Variants in SNCB observed in about 807,000 individuals in gnomAD.
SNCB encodes synuclein beta.
A neutral mutation model predicts 20.0 loss-of-function variants in SNCB; 8 were observed. The observed-to-expected ratio is 0.40, with a 90% CI of 0.24 to 0.72. The LOEUF (loss-of-function observed/expected upper bound fraction) is 0.72. Among genes scored for constraint, SNCB ranks in the 30% least tolerant of loss-of-function variants. The probability of loss-of-function intolerance (pLI) is 0.37; values close to 1 mark genes in which losing one functional copy is unlikely to be tolerated. For missense variants in SNCB, 125 were observed against 168.0 expected, an observed-to-expected ratio of 0.74 and a Z score of 1.41; for synonymous variants, 56 against 65.4, an observed-to-expected ratio of 0.86 and a Z score of 0.69.
At chr5:176,622,423 GA>G (rs1759658554) in intron 4 of SNCB, among the ~76,000 whole-genome samples, 1 of 152,072 alleles carries the variant, frequency 6.6e-6, no homozygotes, top group African/African-American at 2.4e-5. Flanking sequence ...CCGGGAGGCG[GA>G]GTTTGCAGTG....
In SNCB at chr5:176,626,833, A is replaced by G. The variant is rs1362799438; in HGVS notation, c.122-72T>C. The G allele has an allele frequency of 4.5e-5, 70 of 1,541,620 alleles. No individual in the cohort carries two copies. The highest frequency in any genetic ancestry group is 3.8e-4 in the South Asian group (34 of 89,592). On this transcript the variant is annotated intron_variant, in intron 2 of 5. Transcript: ENST00000393693. The surrounding 1 kb of genome is among the most constrained non-coding windows in gnomAD (Gnocchi z 4.2). Reference sequence around the variant, plus strand: ...ACAGAAACTCCAGCACAGCATGGTGATTACAGAGTGGGCATCCTGGCCCCG... The same window carrying G: ...ACAGAAACTCCAGCACAGCATGGTGGTTACAGAGTGGGCATCCTGGCCCCG...
intron 4 of SNCB, among the ~76,000 whole-genome samples, chr5:176,625,093 C>A (rs549918838): frequency 6.6e-6 from 1 of 152,240 alleles, no homozygotes; most frequent in African/African-American, 2.4e-5. Context: ...GCATTCACAG[C>A]GAATGCCTGC....
At position 176,626,273 on chromosome 5, in the gene SNCB, G is replaced by T. The variant is rs1050381990; in HGVS notation, c.282+125C>A. ...TGCAGGATGGGAGGCAAAGTGGCTT[G>T]TGTTCCAAGCTGGTGGCAGGATTAG... On this transcript the variant is annotated intron_variant, in intron 4 of 5. Coordinates refer to ENST00000393693, the MANE Select transcript of SNCB (RefSeq NM_003085.5). The surrounding 1 kb of genome is among the most constrained non-coding windows in gnomAD (Gnocchi z 4.2). The T allele has an allele frequency of 5.9e-5, 47 of 790,526 alleles. No individual in the cohort carries two copies. The highest frequency in any genetic ancestry group is 2.9e-4 in the Admixed American group (16 of 55,120). The allele number at this position is 790,526 out of a possible 1,614,324, so 49.0% of individuals were successfully genotyped here. A position where few individuals can be genotyped will look rare whatever the true frequency, so the allele number is the denominator to read the frequency against.
At chr5:176,623,979 G>A (rs1234027532) in intron 4 of SNCB, among the ~76,000 whole-genome samples, 2 of 152,210 alleles carry the variant, frequency 1.3e-5, no homozygotes, top group African/African-American at 4.8e-5. Flanking sequence ...AAGCATGCTC[G>A]AAGCAGAGAG....
At chr5:176,622,118 C>A (rs1375058719) in intron 4 of SNCB, among the ~76,000 whole-genome samples, 1 of 152,260 alleles carries the variant, frequency 6.6e-6, no homozygotes, top group Non-Finnish European at 1.5e-5. Context: ...CGTCTGCACC[C>A]TGGGTGTCCC....
At chr5:176,627,667 G>A (rs1048878164) in intron 2 of SNCB, among the ~76,000 whole-genome samples, 12 of 150,336 alleles carry the variant, frequency 8.0e-5, no homozygotes, top group Admixed American at 6.0e-4. Flanking sequence ...GCGGGGGGGT[G>A]GGGGAAGAGG....
chr5:176,627,317 C>T (rs2113406809), intron 2 of SNCB, among the ~76,000 whole-genome samples: 1 of 152,316 alleles, frequency 6.6e-6, no homozygotes, highest in African/African-American at 2.4e-5. Context: ...GCACCACTGC[C>T]CATAGCCCAC....
At chr5:176,627,565 G>A (rs143172589) in intron 2 of SNCB, among the ~76,000 whole-genome samples, 31 of 152,332 alleles carry the variant, frequency 2.0e-4, no homozygotes, top group African/African-American at 7.0e-4. Context: ...GATGAGAGAC[G>A]GAAACGGGGT....
intron 4 of SNCB, among the ~76,000 whole-genome samples, chr5:176,622,665 T>C (rs1759674162): frequency 6.6e-6 from 1 of 151,110 alleles, no homozygotes; most frequent in African/African-American, 2.4e-5. Flanking sequence ...CAGGGCTGAG[T>C]CTCACAAGCT....
Position 176,621,066 on chromosome 5 carries a change from C to T in SNCB, c.372+148G>A, listed in dbSNP as rs1759558196. On this transcript the variant is annotated intron_variant, in intron 5 of 5. Transcript: ENST00000393693. The surrounding 1 kb of genome is among the most constrained non-coding windows in gnomAD (Gnocchi z 4.1). ...GACCCTATCTGCCCTCTCCTCCCTG[C>T]TCCCACCTCCTGGGGCCTGGGTTCT... 6 of 773,688 alleles carry T rather than the reference C, an allele frequency of 7.8e-6. No homozygotes were observed. The highest frequency in any genetic ancestry group is 2.7e-5 in the East Asian group (1 of 37,476). The allele number at this position is 773,688 out of a possible 1,614,324, so 47.9% of individuals were successfully genotyped here.
At position 176,626,415 on chromosome 5, in the gene SNCB, A is replaced by G; in HGVS notation, c.265T>C (p.Phe89Leu). 1 of 1,608,022 alleles carries G rather than the reference A, an allele frequency of 6.2e-7. No homozygotes were observed. The highest frequency in any genetic ancestry group is 8.5e-7 in the Non-Finnish European group (1 of 1,174,896). ...TCGCTTACCTTCAGATCAGTAGGGAATTCCTCCCTCTTCACCAGTCCTGTG... is the reference window on the plus strand; with the variant it reads ...TCGCTTACCTTCAGATCAGTAGGGAGTTCCTCCCTCTTCACCAGTCCTGTG... ...AATGLVKREE[F>L]PTDLKPEEVA... The change falls in exon 4 of 6, where the codon TTC becomes CTC. Residue 89 changes from phenylalanine to leucine, a missense_variant. Phe to Leu is a conservative substitution (Grantham distance 22). Coordinates refer to ENST00000393693, the MANE Select transcript of SNCB (RefSeq NM_003085.5). This position sits in a 1 kb window ranked among gnomAD's most constrained non-coding sequence, Gnocchi z 4.2.
chr5:176,628,251 G>C (rs1760098763), intron 2 of SNCB, among the ~76,000 whole-genome samples: 1 of 152,144 alleles, frequency 6.6e-6, no homozygotes. Flanking sequence ...ATCAGAGAGA[G>C]AGTGTCAGAG....
intron 2 of SNCB, among the ~76,000 whole-genome samples, chr5:176,628,743 T>G (rs1760133985): frequency 6.6e-6 from 1 of 152,210 alleles, no homozygotes; most frequent in African/African-American, 2.4e-5. Flanking sequence ...CATCAGGAGA[T>G]CAGGAACCAT....
chr5:176,620,759 G>A lies in SNCB; in HGVS notation c.*52C>T. ...AAGGACAGCCCTGGCTCTGGGGGGC[G>A]GGGCAGGGACAGGGACAGAATTGTG... On this transcript the variant is annotated 3_prime_UTR_variant, in exon 6 of 6. Coordinates refer to ENST00000393693, the MANE Select transcript of SNCB (RefSeq NM_003085.5). The surrounding 1 kb of genome is among the most constrained non-coding windows in gnomAD (Gnocchi z 4.5). 1.5e-6 allele frequency: 2 copies of A among 1,318,778 alleles called. No individual in the cohort carries two copies. The highest frequency in any genetic ancestry group is 1.4e-5 in the African/African-American group (1 of 69,452). The allele number at this position is 1,318,778 out of a possible 1,614,324, so 81.7% of individuals were successfully genotyped here.
At position 176,628,132 on chromosome 5, in the gene SNCB, C is replaced by G. The variant is rs142785055; in HGVS notation, c.122-1371G>C. On this transcript the variant is annotated intron_variant, in intron 2 of 5. Transcript: ENST00000393693. The stretch of plus-strand genomic sequence containing the variant: ...AATGCCAGGGTACAGGGAGCCGAGG[C>G]TTTAACTTGTAGGAACTGGGGTCCA... 9.9e-3 allele frequency among the ~76,000 whole-genome samples: 1,514 copies of G among 152,244 alleles called. 18 individuals carry two copies. The highest frequency in any genetic ancestry group is 0.031 in the African/African-American group (1,272 of 41,528).
At position 176,620,265 on chromosome 5, in the gene SNCB, G is replaced by GTATCATTAAAAAACT; in HGVS notation, c.*545_*546insAGTTTTTTAATGATA. 2 of 152,442 alleles carry GTATCATTAAAAAACT rather than the reference G, an allele frequency of 1.3e-5. No homozygotes were observed. Among genetic ancestry groups the GTATCATTAAAAAACT allele is most frequent in the Non-Finnish European group, 2.9e-5 (2 of 68,618 alleles). The allele number at this position is 152,442 out of a possible 1,614,324, so 9.4% of individuals were successfully genotyped here. Reference sequence around the variant, plus strand: ...CGGGGGCGGCCGGGCCCACCCGCCCGGGACACGCTCACATGGGGGGGATGG... The same window carrying GTATCATTAAAAAACT: ...CGGGGGCGGCCGGGCCCACCCGCCCGTATCATTAAAAAACTGGACACGCTCACATGGGGGGGATGG... On this transcript the variant is annotated 3_prime_UTR_variant, in exon 6 of 6. Transcript: ENST00000393693. The surrounding 1 kb of genome is among the most constrained non-coding windows in gnomAD (Gnocchi z 4.5).
Position 176,621,115 on chromosome 5 carries a change from G to T in SNCB, c.372+99C>A. The T allele has an allele frequency of 9.9e-7, 1 of 1,013,074 alleles. No homozygotes were observed. The allele number at this position is 1,013,074 out of a possible 1,614,324, so 62.8% of individuals were successfully genotyped here. On this transcript the variant is annotated intron_variant, in intron 5 of 5. Transcript: ENST00000393693. The surrounding 1 kb of genome is among the most constrained non-coding windows in gnomAD (Gnocchi z 4.1). Reference sequence around the variant, plus strand: ...CTAGAAGAGGGATGTCAAGCTCCCTGGCCCAACCATCTCATGCCAGGGATG... The same window carrying T: ...CTAGAAGAGGGATGTCAAGCTCCCTTGCCCAACCATCTCATGCCAGGGATG...
rs888633912 is a variant in SNCB at position 176,629,578 on chromosome 5, A to G, written c.77T>C (p.Val26Ala). 1.2e-6 allele frequency: 2 copies of G among 1,612,856 alleles called. No homozygotes were observed. Among genetic ancestry groups the G allele is most frequent in the African/African-American group, 1.3e-5 (1 of 74,626 alleles). Residue 26 changes from valine (V) to alanine (A), a missense_variant, in exon 2 of 6, where the codon GTC becomes GCC. Transcript: ENST00000393693. The surrounding 1 kb of genome is among the most constrained non-coding windows in gnomAD (Gnocchi z 4.1). ...CTTGGTCTTCTCCGCCGCCTCGGTGACCCCCTGCTTGGTTTTCTCCGCGGC... is the reference window on the plus strand; with the variant it reads ...CTTGGTCTTCTCCGCCGCCTCGGTGGCCCCCTGCTTGGTTTTCTCCGCGGC... The part of the protein sequence containing the change: ...VAAAEKTKQG[V>A]TEAAEKTKEG...
Position 176,620,708 on chromosome 5 carries a change from A to T in SNCB, c.*103T>A, listed in dbSNP as rs1040108547. 12 of 838,962 alleles carry T rather than the reference A, an allele frequency of 1.4e-5. No individual in the cohort carries two copies. The African/African-American group carries it at 2.0e-4, about 14-fold the overall frequency. 52.0% of individuals were successfully genotyped at this position (838,962 alleles called of 1,614,324 possible). On this transcript the variant is annotated 3_prime_UTR_variant, in exon 6 of 6. Transcript: ENST00000393693. The surrounding 1 kb of genome is among the most constrained non-coding windows in gnomAD (Gnocchi z 4.5). ...GGGGTTGCCTCAGAGCGGAAGGAAG[A>T]TCTCGTGATTGGGGAGAAGGAGTCT... is the stretch of plus-strand genomic sequence containing the variant.
Sources: gnomAD v4.1 joint callset for allele counts (sites outside exome capture counted in the v4.1 genomes callset) on GRCh38, gnomAD v4.1.1 for gene constraint, Gnocchi (gnomAD v3.1) non-coding constraint, MANE v1.5 for transcripts, NCBI Gene and HGNC (gene_info 2026-07-23, HGNC 2026-07-21) for gene names.